The following DHRSX variants were observed in gnomAD, a reference collection of about 807,000 sequenced individuals.
DHRSX encodes the protein dehydrogenase/reductase X-linked.
Under a neutral mutation model 34.0 loss-of-function variants are expected in DHRSX, and 31 were observed. That is an observed-to-expected ratio of 0.91 (90% CI 0.69 to 1.23). DHRSX has a LOEUF of 1.23. Ranked by LOEUF, DHRSX falls within the 50% of genes most tolerant of loss-of-function variation. The pLI is 0.00. For synonymous variants in DHRSX, 201 were observed against 183.8 expected (o/e 1.09, Z -0.76); for missense variants, 414 against 428.1 (o/e 0.97, Z 0.29).
chrX:2,270,986 G>A (rs1469708681), intron 4 of DHRSX, among the ~76,000 whole-genome samples: 1 of 139,666 alleles, frequency 7.2e-6, no homozygotes, highest in Non-Finnish European at 1.6e-5. Context: ...CAGTCAGCAG[G>A]ATGTGGGCGG....
intron 3 of DHRSX, among the ~76,000 whole-genome samples, chrX:2,368,576 G>C (rs1042747968): frequency 6.6e-6 from 1 of 152,052 alleles, no homozygotes; most frequent in African/African-American, 2.4e-5. Context: ...GAGGCCAGGC[G>C]CGGAAGCTCA....
chrX:2,247,969 T>C (rs1463030345), intron 5 of DHRSX, among the ~76,000 whole-genome samples: 7 of 152,036 alleles, frequency 4.6e-5, no homozygotes, highest in African/African-American at 1.4e-4. Context: ...GACTCTAAGT[T>C]TCCCTACACC....
chrX:2,269,426 G>T (rs73185734), intron 4 of DHRSX, among the ~76,000 whole-genome samples: 1 of 152,086 alleles, frequency 6.6e-6, no homozygotes, highest in Admixed American at 6.5e-5. Flanking sequence ...TATAGGCCTA[G>T]CATTTCTCTA....
At chrX:2,335,513 C>T (rs1381610202) in intron 3 of DHRSX, among the ~76,000 whole-genome samples, 1 of 151,502 alleles carries the variant, frequency 6.6e-6, no homozygotes, top group African/African-American at 2.4e-5. Context: ...TGCAGTGGCG[C>T]GACCTCGGCT....
chrX:2,271,514 G>C (rs2041554525), intron 4 of DHRSX, among the ~76,000 whole-genome samples: 3 of 152,082 alleles, frequency 2.0e-5, no homozygotes, highest in South Asian at 2.1e-4. Context: ...CCTCCTACGT[G>C]AATATCTAGC....
At chrX:2,445,849 T>G (rs771005394) in intron 1 of DHRSX, among the ~76,000 whole-genome samples, 1 of 152,102 alleles carries the variant, frequency 6.6e-6, no homozygotes, top group Non-Finnish European at 1.5e-5. Context: ...ACTGAGGACG[T>G]TCCCTAAGCA....
chrX:2,298,620 A>ACACACG (rs1246020011), intron 3 of DHRSX, among the ~76,000 whole-genome samples: 2 of 143,158 alleles, frequency 1.4e-5, no homozygotes, highest in Non-Finnish European at 2.9e-5. Flanking sequence ...ACACACACAC[A>ACACACG]CACACACACA....
intron 5 of DHRSX, among the ~76,000 whole-genome samples, chrX:2,243,541 C>G (rs890298032): frequency 2.6e-5 from 4 of 151,838 alleles, no homozygotes; most frequent in African/African-American, 9.7e-5. Flanking sequence ...GGCTGGAGTG[C>G]AGTGGTGCAA....
At chrX:2,347,089 T>G (rs187552155) in intron 3 of DHRSX, among the ~76,000 whole-genome samples, 11 of 152,206 alleles carry the variant, frequency 7.2e-5, no homozygotes, top group African/African-American at 2.6e-4. Context: ...ATAAATAAAG[T>G]ATAAGTATGT....
At chrX:2,291,708 ACTT>A (rs2041867252) in intron 3 of DHRSX, 105 bp from the exon 4 acceptor site, 14 of 784,674 alleles carry the variant, frequency 1.8e-5, no homozygotes, top group Non-Finnish European at 2.6e-5. Flanking sequence ...AGGAAGTAAC[ACTT>A]TTTTTTTTTC....
chrX:2,427,646 C>G, intron 1 of DHRSX, among the ~76,000 whole-genome samples: 1 of 152,120 alleles, frequency 6.6e-6, no homozygotes, highest in Non-Finnish European at 1.5e-5. Context: ...GCAAGAATGA[C>G]TCCTTGTACT....
intron 1 of DHRSX, among the ~76,000 whole-genome samples, chrX:2,452,613 T>C (rs182698957): frequency 1.3e-5 from 2 of 151,150 alleles, no homozygotes; most frequent in Non-Finnish European, 3.0e-5. Flanking sequence ...ACCGCACTGA[T>C]GACGTTCCCT....
At position 2,475,307 on chromosome X, in the gene DHRSX, C is replaced by T. The variant is rs191683655; in HGVS notation, c.109+25510G>A. Among the ~76,000 whole-genome samples, 2 of 151,998 alleles carry T rather than the reference C, an allele frequency of 1.3e-5. 1 individual carries two copies. The highest frequency in any genetic ancestry group is 4.8e-5 in the African/African-American group (2 of 41,426). Reference sequence around the variant, plus strand: ...CCCTAAGCATGTGGCTAAGGGACTGCCACCAAGAACACAATGAAGACGTTC... The same window carrying T: ...CCCTAAGCATGTGGCTAAGGGACTGTCACCAAGAACACAATGAAGACGTTC... On this transcript the variant is annotated intron_variant, in intron 1 of 6. Transcript: ENST00000334651.
At chrX:2,265,771 A>G (rs2041451916) in intron 5 of DHRSX, among the ~76,000 whole-genome samples, 1 of 143,194 alleles carries the variant, frequency 7.0e-6, no homozygotes, top group African/African-American at 2.6e-5. Flanking sequence ...TGGCAGACGC[A>G]GGGAGCACTG....
intron 4 of DHRSX, 113 bp from the exon 5 acceptor site, chrX:2,267,060 G>A: frequency 1.9e-6 from 2 of 1,073,390 alleles, no homozygotes; most frequent in Non-Finnish European, 2.8e-6. Context: ...GTGGGGTGTA[G>A]AGCTGGCGGC....
chrX:2,288,016 G>C (rs1488900816), intron 4 of DHRSX, among the ~76,000 whole-genome samples: 1 of 152,174 alleles, frequency 6.6e-6, no homozygotes, highest in African/African-American at 2.4e-5. Flanking sequence ...ATGTGAATTA[G>C]TGGAAGATCT....
chrX:2,250,343 G>A (rs1472914438), intron 5 of DHRSX, among the ~76,000 whole-genome samples: 1 of 152,018 alleles, frequency 6.6e-6, no homozygotes, highest in East Asian at 1.9e-4. Flanking sequence ...TGGGTCCATA[G>A]AGTAAAGTGA....
At chrX:2,469,485 G>T (rs780747714) in intron 1 of DHRSX, among the ~76,000 whole-genome samples, 1 of 150,920 alleles carries the variant, frequency 6.6e-6, no homozygotes, top group Non-Finnish European at 1.5e-5. Flanking sequence ...CACTGAAGAC[G>T]CTCCCTAAGC....
intron 3 of DHRSX, among the ~76,000 whole-genome samples, chrX:2,386,061 A>G (rs1434408161): frequency 6.6e-6 from 1 of 152,194 alleles, no homozygotes; most frequent in African/African-American, 2.4e-5. Flanking sequence ...AATGAGAAAA[A>G]CAAGTTAAGG....
Sources: gnomAD v4.1 joint callset for allele counts (sites outside exome capture counted in the v4.1 genomes callset) on GRCh38, gnomAD v4.1.1 for gene constraint, MANE v1.5 for transcripts, NCBI Gene and HGNC (gene_info 2026-07-23, HGNC 2026-07-21) for gene names.